SDK1: variants seen among roughly 807,000 people sequenced by gnomAD.
SDK1 encodes sidekick cell adhesion molecule 1.
Under a neutral mutation model 245.5 loss-of-function variants are expected in SDK1, and 157 were observed. The ratio of observed to expected loss-of-function variants is 0.64; its 90% CI spans 0.56 to 0.73. SDK1 has a LOEUF of 0.73. SDK1 is among the 30% of genes least tolerant of loss of function. SDK1 has a pLI of 0.00. For missense variants in SDK1, 3,583 were observed against 3,002.3 expected, an observed-to-expected ratio of 1.19 and a Z score of -4.52; for synonymous variants, 1,647 against 1,278.5, an observed-to-expected ratio of 1.29 and a Z score of -6.15.
intron 4 of SDK1, among the ~76,000 whole-genome samples, chr7:3,649,707 A>G (rs1782947909): frequency 6.6e-6 from 1 of 152,154 alleles, no homozygotes; most frequent in Admixed American, 6.5e-5. Flanking sequence ...TTTCCTGATG[A>G]GAACTAAGGC....
chr7:3,400,338 G>A (rs1460906935), intron 1 of SDK1, among the ~76,000 whole-genome samples: 3 of 152,106 alleles, frequency 2.0e-5, no homozygotes, highest in East Asian at 3.9e-4. Context: ...AGTTGATTTT[G>A]AAAATTGTGG....
chr7:3,901,833 C>T (rs915571448), intron 5 of SDK1, among the ~76,000 whole-genome samples: 2 of 152,210 alleles, frequency 1.3e-5, no homozygotes, highest in African/African-American at 2.4e-5. Flanking sequence ...CATTTCCATT[C>T]CTTTTTTTAG....
chr7:4,119,351 A>T (rs1229257860), intron 25 of SDK1, among the ~76,000 whole-genome samples: 1 of 148,292 alleles, frequency 6.7e-6, no homozygotes, highest in African/African-American at 2.5e-5. Context: ...GCTACTTGGG[A>T]GGCTGAGGCA....
chr7:3,829,600 A>T (rs1226445983), intron 5 of SDK1, among the ~76,000 whole-genome samples: 2 of 152,180 alleles, frequency 1.3e-5, no homozygotes, highest in African/African-American at 4.8e-5. Flanking sequence ...ATGAAAGCAG[A>T]ACAACATATA....
Position 3,504,769 on chromosome 7 carries a change from A to G in SDK1, c.299-114311A>G, listed in dbSNP as rs1297940004. ...TCTTAGACATTACACTAAAAGCACA[A>G]ACAACAGAAGGAAAAAAAAAAAACC... On this transcript the variant is annotated intron_variant, in intron 1 of 44. Coordinates refer to ENST00000404826, the MANE Select transcript of SDK1 (RefSeq NM_152744.4). Among the ~76,000 whole-genome samples, 4 of 145,602 alleles carry G rather than the reference A, an allele frequency of 2.7e-5. No homozygotes were observed. In the East Asian group the frequency reaches 5.9e-4, roughly 21 times the overall value.
chr7:4,162,401 T>G (rs1224374831), intron 32 of SDK1, among the ~76,000 whole-genome samples: 1 of 147,234 alleles, frequency 6.8e-6, no homozygotes, highest in Non-Finnish European at 1.5e-5. Flanking sequence ...TTATTATTAT[T>G]ATTATTATTA....
At chr7:4,017,144 T>C (rs1472085290) in intron 16 of SDK1, 27 bp from the exon 17 acceptor site, 3 of 1,582,034 alleles carry the variant, frequency 1.9e-6, no homozygotes, top group African/African-American at 2.7e-5. Context: ...TATTTCCTTA[T>C]CGTGATGGGC....
At chr7:3,777,434 G>T (rs900393936) in intron 4 of SDK1, among the ~76,000 whole-genome samples, 2 of 152,222 alleles carry the variant, frequency 1.3e-5, no homozygotes, top group African/African-American at 4.8e-5. Flanking sequence ...AGGGCCGGTA[G>T]GATGGTTGTC....
chr7:3,855,874 A>T (rs539045733), intron 5 of SDK1, among the ~76,000 whole-genome samples: 3 of 152,350 alleles, frequency 2.0e-5, no homozygotes, highest in South Asian at 4.1e-4. Context: ...AGTGAAGACT[A>T]TAAGACTTTT....
chr7:3,667,012 G>C (rs1166502872), intron 4 of SDK1, among the ~76,000 whole-genome samples: 3 of 151,980 alleles, frequency 2.0e-5, no homozygotes, highest in Non-Finnish European at 4.4e-5. Flanking sequence ...TGTTCTTACG[G>C]TTTGGGAAAT....
chr7:3,592,752 C>A (rs771492781), intron 1 of SDK1, among the ~76,000 whole-genome samples: 1 of 152,290 alleles, frequency 6.6e-6, no homozygotes, highest in South Asian at 2.1e-4. Context: ...ATATAAAGAA[C>A]TTTGCTCTAT....
intron 4 of SDK1, among the ~76,000 whole-genome samples, chr7:3,780,199 C>T (rs1416032353): frequency 6.6e-6 from 1 of 152,224 alleles, no homozygotes; most frequent in Non-Finnish European, 1.5e-5. Flanking sequence ...CTTCCCATCT[C>T]CCAAGTTGGC....
chr7:3,601,867 C>T (rs1250035782), intron 1 of SDK1, among the ~76,000 whole-genome samples: 2 of 145,194 alleles, frequency 1.4e-5, no homozygotes, highest in East Asian at 2.0e-4. Context: ...GTGATGTTCC[C>T]CTTCCTGTGT....
intron 1 of SDK1, among the ~76,000 whole-genome samples, chr7:3,607,741 T>A (rs1696150714): frequency 6.6e-6 from 1 of 152,204 alleles, no homozygotes; most frequent in South Asian, 2.1e-4. Context: ...GTGGATGAAG[T>A]TCAAGATCCA....
At chr7:3,540,833 G>A (rs1410663861) in intron 1 of SDK1, among the ~76,000 whole-genome samples, 3 of 152,104 alleles carry the variant, frequency 2.0e-5, no homozygotes, top group African/African-American at 7.2e-5. Flanking sequence ...GACTTTAAAG[G>A]AGTATTTAAA....
At chr7:3,538,874 C>G (rs776582639) in intron 1 of SDK1, among the ~76,000 whole-genome samples, 20 of 152,214 alleles carry the variant, frequency 1.3e-4, no homozygotes, top group Non-Finnish European at 4.4e-5. Flanking sequence ...CACACTTATG[C>G]TGTCGGCATG....
chr7:4,197,977 G>A (rs1783678585), intron 35 of SDK1, among the ~76,000 whole-genome samples: 1 of 152,220 alleles, frequency 6.6e-6, no homozygotes, highest in African/African-American at 2.4e-5. Flanking sequence ...CTCCAGGAAT[G>A]CTCAGCTCAT....
At chr7:3,838,762 C>G (rs548590462) in intron 5 of SDK1, among the ~76,000 whole-genome samples, 157 of 152,292 alleles carry the variant, frequency 1.0e-3, no homozygotes, top group Non-Finnish European at 1.8e-3. Flanking sequence ...GTGTCCCTCA[C>G]TAGGAGACCA....
At chr7:3,460,664 A>G (rs1780806549) in intron 1 of SDK1, among the ~76,000 whole-genome samples, 1 of 152,176 alleles carries the variant, frequency 6.6e-6, no homozygotes, top group Admixed American at 6.5e-5. Context: ...AATAATCGGA[A>G]AGGAATTAGA....
Sources: gnomAD v4.1 joint callset for allele counts (sites outside exome capture counted in the v4.1 genomes callset) on GRCh38, gnomAD v4.1.1 for gene constraint, MANE v1.5 for transcripts, NCBI Gene and HGNC (gene_info 2026-07-23, HGNC 2026-07-21) for gene names.